The following PRR16 variants were observed in gnomAD, a reference collection of about 807,000 sequenced individuals.
The protein encoded by PRR16 is proline rich 16.
PRR16 carries 6 observed loss-of-function variants against 18.2 expected under a neutral mutation model. The ratio of observed to expected loss-of-function variants is 0.33; its 90% confidence interval spans 0.18 to 0.65. The LOEUF is 0.65. PRR16 is among the 30% of genes least tolerant of loss of function. The pLI is 0.74. For missense variants in PRR16, 412 were observed against 376.6 expected (o/e 1.09, Z -0.78); for synonymous variants, 151 against 147.8 (o/e 1.02, Z -0.16).
At position 120,499,431 on chromosome 5, in the gene PRR16, G is replaced by A. The variant is rs572045962; in HGVS notation, c.159+34786G>A. Reference sequence around the variant, plus strand: ...TCCATGGATTCCCGAGTCTCTTTTTGTTGTTGTTTTCAGGCTAGTTTCTCT... The same window carrying A: ...TCCATGGATTCCCGAGTCTCTTTTTATTGTTGTTTTCAGGCTAGTTTCTCT... On this transcript the variant is annotated intron_variant, in intron 1 of 1. Transcript: ENST00000407149. 6.6e-5 allele frequency among the ~76,000 whole-genome samples: 10 copies of A among 152,108 alleles called. No homozygotes were observed. In the South Asian group the frequency reaches 2.1e-3, roughly 32 times the overall value.
chr5:120,604,591 G>A (rs1381402551), intron 1 of PRR16, among the ~76,000 whole-genome samples: 2 of 152,092 alleles, frequency 1.3e-5, no homozygotes, highest in African/African-American at 4.8e-5. Context: ...CTGTCATCAT[G>A]TTGTAAGTTG....
intron 1 of PRR16, among the ~76,000 whole-genome samples, chr5:120,581,995 C>T (rs1240015952): frequency 6.6e-6 from 1 of 152,056 alleles, no homozygotes; most frequent in Admixed American, 6.6e-5. Context: ...ATAAAAAGGA[C>T]ACCTGCAATG....
intron 1 of PRR16, among the ~76,000 whole-genome samples, chr5:120,567,776 T>G (rs537288651): frequency 6.6e-6 from 1 of 152,172 alleles, no homozygotes; most frequent in Admixed American, 6.5e-5. Context: ...TCTTCAGGCC[T>G]CCCCAGCCAT....
the PRR16 span, among the ~76,000 whole-genome samples, chr5:120,784,981 C>A: frequency 5.3e-5 from 8 of 152,142 alleles, 1 homozygote; most frequent in Non-Finnish European, 7.4e-5. Flanking sequence ...CCTAGCCTGA[C>A]CACCCGCTGC....
chr5:120,585,928 C>A (rs770768401), intron 1 of PRR16, among the ~76,000 whole-genome samples: 3 of 152,030 alleles, frequency 2.0e-5, no homozygotes, highest in Non-Finnish European at 4.4e-5. Context: ...GTAATCCCAG[C>A]ACTTTGTGAG....
chr5:120,584,582 T>C (rs925392168), intron 1 of PRR16, among the ~76,000 whole-genome samples: 3 of 152,204 alleles, frequency 2.0e-5, no homozygotes, highest in Non-Finnish European at 4.4e-5. Flanking sequence ...CCAGGCATTT[T>C]CTAATTTGTT....
chr5:120,741,897 G>A, the PRR16 span, among the ~76,000 whole-genome samples: 19 of 152,240 alleles, frequency 1.2e-4, no homozygotes, highest in Admixed American at 7.8e-4. Context: ...CACCGCACCA[G>A]GCCTCTGTGG....
chr5:120,573,239 T>G (rs1752962445), intron 1 of PRR16, among the ~76,000 whole-genome samples: 1 of 152,216 alleles, frequency 6.6e-6, no homozygotes, highest in Non-Finnish European at 1.5e-5. Context: ...TGTTTCTGTT[T>G]GTCTCCCTCT....
At chr5:120,732,825 T>C in the PRR16 span, among the ~76,000 whole-genome samples, 1 of 152,170 alleles carries the variant, frequency 6.6e-6, no homozygotes, top group Non-Finnish European at 1.5e-5. Context: ...GTGAAAATTT[T>C]GTGTATAAAT....
chr5:120,486,324 T>C (rs1392458730), intron 1 of PRR16, among the ~76,000 whole-genome samples: 2 of 151,876 alleles, frequency 1.3e-5, no homozygotes, highest in African/African-American at 4.8e-5. Context: ...GTTTCCTGAC[T>C]TTTTAATGAT....
At chr5:120,639,979 T>C (rs1190244752) in intron 1 of PRR16, among the ~76,000 whole-genome samples, 1 of 152,054 alleles carries the variant, frequency 6.6e-6, no homozygotes, top group Non-Finnish European at 1.5e-5. Context: ...AATGTAATTA[T>C]GTCCTTTGCA....
At chr5:120,559,460 C>T (rs538610073) in intron 1 of PRR16, among the ~76,000 whole-genome samples, 43 of 151,764 alleles carry the variant, frequency 2.8e-4, no homozygotes, top group African/African-American at 9.9e-4. Context: ...AAAATGAGTT[C>T]ACTCTGGATG....
chr5:120,588,710 A>G (rs948696779), intron 1 of PRR16, among the ~76,000 whole-genome samples: 2 of 152,160 alleles, frequency 1.3e-5, no homozygotes, highest in Non-Finnish European at 2.9e-5. Flanking sequence ...AGGTATGCCT[A>G]TATTTGTAAA....
chr5:120,631,765 C>G lies in PRR16; in HGVS notation c.160-54189C>G, dbSNP rs144960868. Among the ~76,000 whole-genome samples the G allele has an allele frequency of 3.4e-3, 510 of 152,226 alleles. 5 individuals carry two copies. Among genetic ancestry groups the G allele is most frequent in the African/African-American group, 0.012 (488 of 41,548 alleles). ...GGTCTGCCTCTACCCACCCTGGTAG[C>G]CGAAGACAAAGGTCATAATCTTTTG... On this transcript the variant is annotated intron_variant, in intron 1 of 1. Coordinates refer to ENST00000407149, the MANE Select transcript of PRR16 (RefSeq NM_001300783.2).
chr5:120,747,016 C>A, the PRR16 span, among the ~76,000 whole-genome samples: 1 of 152,160 alleles, frequency 6.6e-6, no homozygotes, highest in Non-Finnish European at 1.5e-5. Context: ...AAGTCAGCTC[C>A]ATTTGAAGTA....
the PRR16 span, among the ~76,000 whole-genome samples, chr5:120,746,376 G>C: frequency 1.3e-5 from 2 of 152,046 alleles, no homozygotes; most frequent in Non-Finnish European, 2.9e-5. Context: ...TTTCTGAAAT[G>C]TACCCTTAAG....
At chr5:120,577,970 T>G (rs1753135459) in intron 1 of PRR16, among the ~76,000 whole-genome samples, 1 of 152,124 alleles carries the variant, frequency 6.6e-6, no homozygotes, top group South Asian at 2.1e-4. Context: ...ACTCAAGTGG[T>G]ATGCTAACTT....
chr5:120,685,882 C>A, intron 1 of PRR16, 72 bp from the exon 2 acceptor site: 1 of 1,456,106 alleles, frequency 6.9e-7, no homozygotes, highest in Non-Finnish European at 9.3e-7. Flanking sequence ...TTCCCCTAGA[C>A]AAAAATAAAT....
chr5:120,661,207 T>A (rs1040325211), intron 1 of PRR16, among the ~76,000 whole-genome samples: 2 of 152,120 alleles, frequency 1.3e-5, no homozygotes, highest in Non-Finnish European at 2.9e-5. Context: ...GTCTGTTGTC[T>A]TTACACTTTA....
Sources: gnomAD v4.1 joint callset for allele counts (sites outside exome capture counted in the v4.1 genomes callset) on GRCh38, gnomAD v4.1.1 for gene constraint, MANE v1.5 for transcripts, NCBI Gene and HGNC (gene_info 2026-07-23, HGNC 2026-07-21) for gene names.